The following SYNE2 variants were observed in gnomAD, a reference collection of about 807,000 sequenced individuals.
SYNE2 encodes the protein spectrin repeat containing nuclear envelope protein 2.
SYNE2 carries 431 observed loss-of-function variants against 856.3 expected under a neutral mutation model. The ratio of observed to expected loss-of-function variants is 0.50; its 90% CI spans 0.47 to 0.55. SYNE2 has a LOEUF of 0.55. Ranked by LOEUF, SYNE2 falls within the 20% of genes least tolerant of loss-of-function variation. The probability of loss-of-function intolerance (pLI) is 0.00; values close to 1 mark genes in which losing one functional copy is unlikely to be tolerated. For synonymous variants in SYNE2, 2,923 were observed against 2,872.3 expected (o/e 1.02, Z -0.56); for missense variants, 8,129 against 8,023.2 (o/e 1.01, Z -0.50).
At chr14:63,925,325 A>G (rs2095651048) in intron 2 of SYNE2, among the ~76,000 whole-genome samples, 1 of 152,232 alleles carries the variant, frequency 6.6e-6, no homozygotes, top group Non-Finnish European at 1.5e-5. Context: ...TGTCTCAAAC[A>G]AAACAAAACT....
At chr14:64,079,424 G>A (rs971906555) in intron 55 of SYNE2, among the ~76,000 whole-genome samples, 1 of 152,140 alleles carries the variant, frequency 6.6e-6, no homozygotes, top group African/African-American at 2.4e-5. Context: ...TTAATAATTT[G>A]GGGCTTTTAA....
At chr14:64,186,063 G>C (rs2098488354) in intron 96 of SYNE2, among the ~76,000 whole-genome samples, 1 of 151,968 alleles carries the variant, frequency 6.6e-6, no homozygotes, top group African/African-American at 2.4e-5. Flanking sequence ...TGTAGTTTCA[G>C]GATTAAAAAT....
rs1358968847 is a variant in SYNE2 at position 64,052,819 on chromosome 14, T to C, written c.8906T>C (p.Leu2969Pro). 1 of 1,612,388 alleles carries C rather than the reference T, an allele frequency of 6.2e-7. No homozygotes were observed. The highest frequency in any genetic ancestry group is 2.2e-5 in the East Asian group (1 of 44,880). ...ADSIQRNELL[L>P]NQEVNKGVKE... ...AGTATACAGCGCAATGAACTATTAC[T>C]TAATCAAGAAGTAAATAAAGGTGTT... Residue 2969 changes from leucine (L) to proline (P), a missense_variant, in exon 48 of 116, where the codon CTT (leucine) becomes CCT (proline). Coordinates refer to ENST00000555002, the MANE Select transcript of SYNE2 (RefSeq NM_182914.3).
intron 10 of SYNE2, among the ~76,000 whole-genome samples, chr14:63,966,870 T>TC (rs1416773220): frequency 2.0e-5 from 3 of 151,906 alleles, no homozygotes; most frequent in Non-Finnish European, 4.4e-5. Flanking sequence ...AGTTGATAAC[T>TC]CTTTTTTTTG....
intron 84 of SYNE2, 38 bp from the exon 85 acceptor site, chr14:64,152,526 T>C (rs1243404264): frequency 1.2e-6 from 2 of 1,609,806 alleles, no homozygotes; most frequent in South Asian, 1.1e-5. Flanking sequence ...TGTTTTGTAA[T>C]ATTGTGCATT....
chr14:63,771,236 T>A (rs1010888387), intron 1 of SYNE2, among the ~76,000 whole-genome samples: 5 of 136,730 alleles, frequency 3.7e-5, no homozygotes, highest in Non-Finnish European at 6.6e-5. Context: ...CGCCCGGCTA[T>A]TTTTTTTGTA....
chr14:64,003,203 G>A lies in SYNE2; in HGVS notation c.4270G>A (p.Glu1424Lys). Residue 1424 changes from glutamate to lysine, a missense_variant, in exon 30 of 116, where the codon GAG becomes AAG. Glu to Lys is a moderately conservative substitution (Grantham distance 56). Coordinates refer to ENST00000555002, the MANE Select transcript of SYNE2 (RefSeq NM_182914.3). ...CTATGGGGTACAGGAGGAATTCACT[G>A]AGGAAAACAAATTACTAGAGGCTTG... ...HGYGVQEEFT[E>K]ENKLLEACIF... The A allele has an allele frequency of 1.9e-6, 3 of 1,613,998 alleles. No individual in the cohort carries two copies. The highest frequency in any genetic ancestry group is 2.5e-6 in the Non-Finnish European group (3 of 1,179,970).
At position 64,225,062 on chromosome 14, in the gene SYNE2, G is replaced by T. The variant is rs779196951; in HGVS notation, c.20516+17G>T. 4 of 1,613,304 alleles carry T rather than the reference G, an allele frequency of 2.5e-6. No homozygotes were observed. The highest frequency in any genetic ancestry group is 3.3e-5 in the Admixed American group (2 of 59,968). ...AGAGAGCAGGTAACGGGGCTTTACC[G>T]TGACAGCAGTGCGTTCCCCTGCTCC... On this transcript the variant is annotated intron_variant, in intron 115 of 115. Transcript: ENST00000555002.
At chr14:63,950,375 G>A (rs2096132305) in intron 7 of SYNE2, among the ~76,000 whole-genome samples, 1 of 152,052 alleles carries the variant, frequency 6.6e-6, no homozygotes, top group Admixed American at 6.6e-5. Flanking sequence ...CTAACATGGT[G>A]AAACCCCGTC....
At chr14:63,807,547 C>G (rs372590890) in intron 1 of SYNE2, among the ~76,000 whole-genome samples, 5 of 151,716 alleles carry the variant, frequency 3.3e-5, no homozygotes, top group Admixed American at 6.6e-5. Context: ...TTAAAATCAG[C>G]TTTGTTATTA....
chr14:64,221,447 C>T, intron 111 of SYNE2, 129 bp from the exon 112 acceptor site: 2 of 1,554,366 alleles, frequency 1.3e-6, no homozygotes, highest in East Asian at 2.2e-5. Flanking sequence ...AAAGCTGGTC[C>T]TCGTATTCAG....
chr14:64,186,292 C>A, intron 96 of SYNE2, 132 bp from the exon 97 acceptor site: 1 of 1,181,460 alleles, frequency 8.5e-7, no homozygotes, highest in Non-Finnish European at 1.3e-6. Flanking sequence ...GGCTGTTTCC[C>A]ATTCAGAAGG....
intron 60 of SYNE2, 89 bp from the exon 61 acceptor site, chr14:64,093,260 A>G: frequency 6.6e-7 from 1 of 1,510,104 alleles, no homozygotes; most frequent in Non-Finnish European, 9.1e-7. Context: ...GTGAGTGATT[A>G]AAACTTCCAT....
At chr14:63,839,037 T>C (rs966079121) in intron 1 of SYNE2, among the ~76,000 whole-genome samples, 1 of 151,966 alleles carries the variant, frequency 6.6e-6, no homozygotes, top group African/African-American at 2.4e-5. Flanking sequence ...AAATTTCTTC[T>C]TCTTTTTTTT....
chr14:63,960,359 G>A (rs2096293878), intron 8 of SYNE2, among the ~76,000 whole-genome samples: 1 of 152,158 alleles, frequency 6.6e-6, no homozygotes, highest in Non-Finnish European at 1.5e-5. Flanking sequence ...GTTCACTAAA[G>A]CACGCATGGT....
Position 64,141,418 on chromosome 14 carries a change from G to A in SYNE2, c.15054G>A (p.Leu5018=), listed in dbSNP as rs1379643491. The A allele has an allele frequency of 6.2e-7, 1 of 1,614,058 alleles. No individual in the cohort carries two copies. Residue 5018 remains leucine (L), a synonymous_variant, in exon 81 of 116, where the codon CTG becomes CTA. Coordinates refer to ENST00000555002, the MANE Select transcript of SYNE2 (RefSeq NM_182914.3). The stretch of plus-strand genomic sequence containing the variant: ...GTATCGGGAACCAGCTTCTTCACCT[G>A]AAAGAAACTGATACAGCTACACTGA... ...VISIGNQLLH[L]KETDTATLRA...
At chr14:64,220,913 ACTC>A (rs2098691255) in intron 111 of SYNE2, among the ~76,000 whole-genome samples, 1 of 151,094 alleles carries the variant, frequency 6.6e-6, no homozygotes, top group Non-Finnish European at 1.5e-5. Flanking sequence ...CCACCCCACA[ACTC>A]CTCTTTTTGT....
intron 1 of SYNE2, among the ~76,000 whole-genome samples, chr14:63,815,191 TCC>T (rs1888903319): frequency 1.7e-5 from 1 of 57,584 alleles, no homozygotes; most frequent in South Asian, 4.0e-4. Flanking sequence ...CATATATATA[TCC>T]ATATATATAT....
intron 27 of SYNE2, among the ~76,000 whole-genome samples, chr14:63,999,668 C>A (rs1287737135): frequency 6.6e-6 from 1 of 152,192 alleles, no homozygotes; most frequent in African/African-American, 2.4e-5. Flanking sequence ...CAAATAATAT[C>A]TTTCCTATTA....
Sources: allele counts gnomAD v4.1 joint callset (sites outside exome capture counted in the v4.1 genomes callset), GRCh38; gene constraint gnomAD v4.1.1; transcripts MANE v1.5; gene names NCBI Gene and HGNC (gene_info 2026-07-23, HGNC 2026-07-21).